DRC11: variants seen among roughly 807,000 people sequenced by gnomAD.
DRC11 encodes dynein regulatory complex subunit 11, also known as IQ and AAA domain-containing protein 1.
At chr2:236,379,282 A>G in the DRC11 span, among the ~76,000 whole-genome samples, 77 of 131,882 alleles carry the variant, frequency 5.8e-4, 1 homozygote, top group Admixed American at 2.4e-3. Context: ...GAGTGACAGG[A>G]CCAAGGGGAG....
chr2:236,352,423 C>G, the DRC11 span, among the ~76,000 whole-genome samples: 1 of 152,038 alleles, frequency 6.6e-6, no homozygotes, highest in Non-Finnish European at 1.5e-5. The surrounding 1 kb of genome is among the most constrained non-coding windows in gnomAD (Gnocchi z 7.0). Context: ...GGAGGATGGG[C>G]TGGGAGGAGA....
At chr2:236,355,225 G>A in the DRC11 span, among the ~76,000 whole-genome samples, 14 of 152,108 alleles carry the variant, frequency 9.2e-5, no homozygotes, top group African/African-American at 2.7e-4. Context: ...GACTCTGGGC[G>A]CTAGTGAGGT....
the DRC11 span, among the ~76,000 whole-genome samples, chr2:236,357,081 C>CGTATATTATATATCTATATTT: frequency 5.1e-5 from 5 of 98,282 alleles, no homozygotes; most frequent in African/African-American, 2.8e-4. Flanking sequence ...TATTATATAT[C>CGTATATTATATATCTATATTT]TATATATTTT....
the DRC11 span, among the ~76,000 whole-genome samples, chr2:236,375,784 C>T: frequency 6.6e-6 from 1 of 152,168 alleles, no homozygotes. The surrounding 1 kb of genome is among the most constrained non-coding windows in gnomAD (Gnocchi z 4.2). Context: ...TGTGTCTACA[C>T]TGATAACGCA....
chr2:236,451,419 T>C, the DRC11 span, among the ~76,000 whole-genome samples: 1 of 152,038 alleles, frequency 6.6e-6, no homozygotes, highest in East Asian at 1.9e-4. Context: ...AAATACTTGG[T>C]TTTTCATTCA....
the DRC11 span, among the ~76,000 whole-genome samples, chr2:236,473,342 T>A: frequency 6.6e-6 from 1 of 152,204 alleles, no homozygotes; most frequent in Non-Finnish European, 1.5e-5. This position sits in a 1 kb window ranked among gnomAD's most constrained non-coding sequence, Gnocchi z 4.8. Flanking sequence ...GCCACGCTCA[T>A]TTGGGCGCCC....
At chr2:236,500,303 G>C in the DRC11 span, among the ~76,000 whole-genome samples, 2 of 152,178 alleles carry the variant, frequency 1.3e-5, no homozygotes, top group Admixed American at 1.3e-4. The surrounding 1 kb of genome is among the most constrained non-coding windows in gnomAD (Gnocchi z 6.3). Context: ...AATGCAGGAC[G>C]TACATGTAGG....
At chr2:236,467,258 C>T in the DRC11 span, among the ~76,000 whole-genome samples, 1 of 152,088 alleles carries the variant, frequency 6.6e-6, no homozygotes, top group Non-Finnish European at 1.5e-5. Context: ...TTCTCCATTT[C>T]CTTGTCTGCA....
At chr2:236,355,620 T>C in the DRC11 span, among the ~76,000 whole-genome samples, 3 of 152,260 alleles carry the variant, frequency 2.0e-5, no homozygotes, top group South Asian at 4.1e-4. Context: ...CCCCTCCTTT[T>C]TGATTAGCCC....
chr2:236,401,530 A>G, the DRC11 span, among the ~76,000 whole-genome samples: 4 of 152,200 alleles, frequency 2.6e-5, no homozygotes, highest in African/African-American at 9.7e-5. The surrounding 1 kb of genome is among the most constrained non-coding windows in gnomAD (Gnocchi z 4.6). Context: ...GGCTCAATCC[A>G]TGGATAAATG....
At chr2:236,323,564 G>A in the DRC11 span, among the ~76,000 whole-genome samples, 2 of 152,148 alleles carry the variant, frequency 1.3e-5, no homozygotes, top group African/African-American at 4.8e-5. This position sits in a 1 kb window ranked among gnomAD's most constrained non-coding sequence, Gnocchi z 6.4. Flanking sequence ...GGGGTGTGCT[G>A]GTGGCCAGAA....
At chr2:236,322,046 T>A in the DRC11 span, among the ~76,000 whole-genome samples, 1 of 151,718 alleles carries the variant, frequency 6.6e-6, no homozygotes, top group Non-Finnish European at 1.5e-5. Context: ...CCCAGATAAG[T>A]GAGGCAAAAA....
chr2:236,445,545 G>A, the DRC11 span, among the ~76,000 whole-genome samples: 1 of 150,960 alleles, frequency 6.6e-6, no homozygotes, highest in East Asian at 1.9e-4. The surrounding 1 kb of genome is among the most constrained non-coding windows in gnomAD (Gnocchi z 4.8). Context: ...TCACCATGCT[G>A]GCCAGGCTGG....
the DRC11 span, among the ~76,000 whole-genome samples, chr2:236,466,751 A>G: frequency 6.6e-6 from 1 of 152,184 alleles, no homozygotes; most frequent in Non-Finnish European, 1.5e-5. Flanking sequence ...CCCAAGATCC[A>G]TCACCTCCCA....
chr2:236,479,919 G>A, the DRC11 span, among the ~76,000 whole-genome samples: 1 of 152,036 alleles, frequency 6.6e-6, no homozygotes, highest in African/African-American at 2.4e-5. This position sits in a 1 kb window ranked among gnomAD's most constrained non-coding sequence, Gnocchi z 4.1. Context: ...AGATGGGTCT[G>A]GCAGTGATGA....
the DRC11 span, among the ~76,000 whole-genome samples, chr2:236,394,198 GC>G: frequency 6.6e-5 from 10 of 152,108 alleles, no homozygotes; most frequent in Non-Finnish European, 1.3e-4. The surrounding 1 kb of genome is among the most constrained non-coding windows in gnomAD (Gnocchi z 7.0). Flanking sequence ...ATGCCCCAAA[GC>G]CCCAAAGCAG....
At chr2:236,356,065 C>T in the DRC11 span, among the ~76,000 whole-genome samples, 14 of 152,120 alleles carry the variant, frequency 9.2e-5, no homozygotes, top group Admixed American at 5.9e-4. Context: ...CTGTGGGCCA[C>T]GTGTCCTACA....
chr2:236,408,009 C>A, the DRC11 span: 1 of 557,258 alleles, frequency 1.8e-6, no homozygotes, highest in South Asian at 1.4e-5. This position sits in a 1 kb window ranked among gnomAD's most constrained non-coding sequence, Gnocchi z 5.5. Flanking sequence ...GCTGTTTGGT[C>A]TCAGCCAGCA....
chr2:236,392,014 T>C, the DRC11 span: 1 of 1,614,026 alleles, frequency 6.2e-7, no homozygotes, highest in Non-Finnish European at 8.5e-7. The surrounding 1 kb of genome is among the most constrained non-coding windows in gnomAD (Gnocchi z 5.1). Context: ...GGGCGCTCCC[T>C]TTCTCTGTCC....
Sources: gnomAD v4.1 joint callset for allele counts (sites outside exome capture counted in the v4.1 genomes callset) on GRCh38, gnomAD v4.1.1 for gene constraint, Gnocchi (gnomAD v3.1) non-coding constraint, MANE v1.5 for transcripts, NCBI Gene and HGNC (gene_info 2026-07-23, HGNC 2026-07-21) for gene names.